The following LOC128125817 variants were observed in gnomAD, a reference collection of about 807,000 sequenced individuals.
At chr1:41,614,034 G>A in the LOC128125817 span, among the ~76,000 whole-genome samples, 3 of 152,204 alleles carry the variant, frequency 2.0e-5, no homozygotes, top group African/African-American at 7.2e-5. Context: ...CAATGCCTGT[G>A]AGATCACGCA....
At chr1:41,588,930 A>T in the LOC128125817 span, among the ~76,000 whole-genome samples, 1 of 152,204 alleles carries the variant, frequency 6.6e-6, no homozygotes, top group Non-Finnish European at 1.5e-5. Flanking sequence ...AGCCAGGACC[A>T]CAGGTGCAGA....
At chr1:41,612,476 A>G in the LOC128125817 span, among the ~76,000 whole-genome samples, 1 of 152,204 alleles carries the variant, frequency 6.6e-6, no homozygotes, top group African/African-American at 2.4e-5. Context: ...AACATACTTC[A>G]TAACTAAGAA....
chr1:41,617,347 C>T, the LOC128125817 span, among the ~76,000 whole-genome samples: 86 of 152,290 alleles, frequency 5.6e-4, no homozygotes, highest in Middle Eastern at 3.4e-3. Context: ...TTTGGGCCAT[C>T]GTCCTAATAA....
chr1:41,607,638 T>C, the LOC128125817 span, among the ~76,000 whole-genome samples: 7 of 152,208 alleles, frequency 4.6e-5, no homozygotes, highest in East Asian at 1.3e-3. Context: ...TTTCATTCTA[T>C]TGGTTTGCTT....
the LOC128125817 span, among the ~76,000 whole-genome samples, chr1:41,591,236 G>T: frequency 6.6e-6 from 1 of 152,154 alleles, no homozygotes; most frequent in Admixed American, 6.6e-5. Flanking sequence ...CGGGCACACA[G>T]CTGGTGCTCA....
At chr1:41,606,462 C>G in the LOC128125817 span, among the ~76,000 whole-genome samples, 1 of 151,868 alleles carries the variant, frequency 6.6e-6, no homozygotes, top group Admixed American at 6.5e-5. Flanking sequence ...AAAAGTGAAG[C>G]TAGTTAACAA....
chr1:41,624,496 G>T, the LOC128125817 span, among the ~76,000 whole-genome samples: 2 of 152,158 alleles, frequency 1.3e-5, no homozygotes, highest in Non-Finnish European at 2.9e-5. Flanking sequence ...GACCTTCACC[G>T]TTGAAATGTA....
the LOC128125817 span, among the ~76,000 whole-genome samples, chr1:41,620,893 G>C: frequency 6.6e-6 from 1 of 152,208 alleles, no homozygotes; most frequent in African/African-American, 2.4e-5. Context: ...GGGTACCGGA[G>C]GCATTTGCCT....
chr1:41,612,355 C>T, the LOC128125817 span, among the ~76,000 whole-genome samples: 1,474 of 152,322 alleles, frequency 9.7e-3, 18 homozygotes, highest in African/African-American at 0.033. Context: ...GTGACTACAG[C>T]TCACCAAAGG....
chr1:41,603,469 C>T, the LOC128125817 span, among the ~76,000 whole-genome samples: 8 of 152,132 alleles, frequency 5.3e-5, no homozygotes, highest in East Asian at 1.5e-3. Flanking sequence ...AAGCGATTCT[C>T]CTGCCTCAGC....
chr1:41,626,678 C>A, the LOC128125817 span, among the ~76,000 whole-genome samples: 1 of 152,110 alleles, frequency 6.6e-6, no homozygotes, highest in South Asian at 2.1e-4. Flanking sequence ...CTCATGAGAC[C>A]CCTAAATGGC....
At chr1:41,619,661 G>C in the LOC128125817 span, among the ~76,000 whole-genome samples, 1 of 152,160 alleles carries the variant, frequency 6.6e-6, no homozygotes. Context: ...TGTTAGGAGT[G>C]GGGGAAGGGA....
the LOC128125817 span, among the ~76,000 whole-genome samples, chr1:41,616,837 A>G: frequency 6.6e-6 from 1 of 152,188 alleles, no homozygotes; most frequent in Non-Finnish European, 1.5e-5. Context: ...TCTAGGCTAC[A>G]GGCCAATAGG....
the LOC128125817 span, among the ~76,000 whole-genome samples, chr1:41,604,214 C>T: frequency 6.6e-6 from 1 of 152,118 alleles, no homozygotes; most frequent in East Asian, 1.9e-4. Context: ...CTCCAAAAAA[C>T]ACAAAGAAGA....
At chr1:41,606,075 GAATGCCAA>G in the LOC128125817 span, among the ~76,000 whole-genome samples, 6 of 149,586 alleles carry the variant, frequency 4.0e-5, no homozygotes, top group Non-Finnish European at 8.8e-5. Context: ...CTAGGCCCCA[GAATGCCAA>G]ACCGTCCTCA....
the LOC128125817 span, among the ~76,000 whole-genome samples, chr1:41,593,789 T>C: frequency 1.3e-5 from 2 of 152,252 alleles, no homozygotes; most frequent in Non-Finnish European, 2.9e-5. Context: ...TACTATCTTA[T>C]AGTTCGAGTG....
the LOC128125817 span, among the ~76,000 whole-genome samples, chr1:41,623,704 C>T: frequency 2.6e-5 from 4 of 152,328 alleles, no homozygotes; most frequent in African/African-American, 9.6e-5. Flanking sequence ...GCAATCCCAG[C>T]CACCACCATC....
the LOC128125817 span, among the ~76,000 whole-genome samples, chr1:41,616,934 G>A: frequency 6.6e-6 from 1 of 152,152 alleles, no homozygotes; most frequent in East Asian, 1.9e-4. Context: ...TTAAAGGACA[G>A]GCACTATTGC....
At chr1:41,606,181 ACAATTTTTGGTGGTTAC>A in the LOC128125817 span, among the ~76,000 whole-genome samples, 1 of 151,736 alleles carries the variant, frequency 6.6e-6, no homozygotes, top group Non-Finnish European at 1.5e-5. Context: ...ACCCCATCTC[ACAATTTTTGGTGGTTAC>A]CAATTTTTGG....
Sources: gnomAD v4.1 joint callset for allele counts (sites outside exome capture counted in the v4.1 genomes callset) on GRCh38, gnomAD v4.1.1 for gene constraint, MANE v1.5 for transcripts.